Variants in FREM1 observed in about 807,000 individuals in gnomAD.
The protein encoded by FREM1 is FRAS1 related extracellular matrix 1.
A neutral mutation model predicts 210.1 loss-of-function variants in FREM1; 220 were observed. That is an observed-to-expected ratio of 1.05 (90% CI 0.94 to 1.17). The LOEUF is 1.17. FREM1 is among the 50% of genes most tolerant of loss of function. The pLI is 0.00. For missense variants in FREM1, 3,454 were observed against 2,675.5 expected, an observed-to-expected ratio of 1.29 and a Z score of -6.42; for synonymous variants, 1,189 against 980.2, an observed-to-expected ratio of 1.21 and a Z score of -3.98.
In FREM1 at chr9:14,750,113, G is replaced by A. The variant is rs1264311852; in HGVS notation, c.5557+14C>T. On this transcript the variant is annotated intron_variant, in intron 30 of 36. Coordinates refer to ENST00000380880, the MANE Select transcript of FREM1 (RefSeq NM_001379081.2). ...GGACCGCTCCTGATTTCAAGATGAG[G>A]ATCAAAAGAATACCTCCTTTTGAGT... 2 of 1,612,962 alleles carry A rather than the reference G, an allele frequency of 1.2e-6. No homozygotes were observed. The highest frequency in any genetic ancestry group is 1.7e-6 in the Non-Finnish European group (2 of 1,179,518).
rs145677750 is a variant in FREM1, at chr9:14,908,852, A to G, written c.-268+1062T>C. 8.3e-3 allele frequency among the ~76,000 whole-genome samples: 1,257 copies of G among 152,296 alleles called. 14 individuals are homozygous for G. The highest frequency in any genetic ancestry group is 0.024 in the Middle Eastern group (7 of 294). ...GGAACTGAGAACCTGCCTTTCACCA[A>G]GCAAATGGGGGTTCTTACACACAGT... On this transcript the variant is annotated intron_variant, in intron 1 of 36. Coordinates refer to ENST00000380880, the MANE Select transcript of FREM1 (RefSeq NM_001379081.2).
At chr9:14,858,879 G>A (rs1829293305) in intron 4 of FREM1, among the ~76,000 whole-genome samples, 1 of 152,170 alleles carries the variant, frequency 6.6e-6, no homozygotes, top group African/African-American at 2.4e-5. Flanking sequence ...AGTACTGTGT[G>A]TATGTATAAC....
intron 13 of FREM1, among the ~76,000 whole-genome samples, chr9:14,822,855 CT>C (rs1821636498): frequency 6.6e-6 from 1 of 152,096 alleles, no homozygotes; most frequent in Non-Finnish European, 1.5e-5. Flanking sequence ...ATTTAATCCC[CT>C]TCCCTTGATC....
intron 34 of FREM1, 120 bp from the exon 35 acceptor site, chr9:14,746,588 G>A (rs1412237095): frequency 4.0e-6 from 3 of 753,492 alleles, no homozygotes; most frequent in Admixed American, 2.1e-5. Flanking sequence ...CACAAAGGGA[G>A]TCAGCCCTAA....
chr9:14,877,447 T>TTTTTTTTTTTTTTTTTTTGAG (rs1400617685), intron 1 of FREM1, among the ~76,000 whole-genome samples: 2 of 151,038 alleles, frequency 1.3e-5, no homozygotes, highest in Admixed American at 6.6e-5. Context: ...GTTGTTTCTT[T>TTTTTTTTTTTTTTTTTTTGAG]ATGGTAGACA....
intron 27 of FREM1, among the ~76,000 whole-genome samples, chr9:14,763,840 G>A (rs1845938794): frequency 6.6e-6 from 1 of 152,138 alleles, no homozygotes; most frequent in Non-Finnish European, 1.5e-5. Flanking sequence ...CAGGTCTTTG[G>A]TTCATTGTGA....
At chr9:14,881,408 A>G (rs1253124916) in intron 1 of FREM1, among the ~76,000 whole-genome samples, 1 of 152,246 alleles carries the variant, frequency 6.6e-6, no homozygotes, top group Non-Finnish European at 1.5e-5. Flanking sequence ...CAGGAAAAAA[A>G]AAGCTATCTT....
At position 14,801,650 on chromosome 9, in the gene FREM1, A is replaced by T. The variant is rs1467435514; in HGVS notation, c.3694+2T>A. 1 of 1,586,060 alleles carries T rather than the reference A, an allele frequency of 6.3e-7. No individual in the cohort carries two copies. The highest frequency in any genetic ancestry group is 8.7e-7 in the Non-Finnish European group (1 of 1,154,338). On this transcript the variant is annotated splice_donor_variant, in intron 20 of 36. Coordinates refer to ENST00000380880, the MANE Select transcript of FREM1 (RefSeq NM_001379081.2). LOFTEE classifies it high-confidence loss of function. The stretch of plus-strand genomic sequence containing the variant: ...AATGCATGGAAGTGGAACATGCTAT[A>T]CCAGTCTTGAGGAGTTCCATGGAAA...
At chr9:14,852,349 T>C (rs201169451) in intron 5 of FREM1, among the ~76,000 whole-genome samples, 1 of 151,980 alleles carries the variant, frequency 6.6e-6, no homozygotes, top group Admixed American at 6.6e-5. Flanking sequence ...AACCATGAAA[T>C]TGTGCCACAA....
At chr9:14,783,768 A>G (rs1321799301) in intron 24 of FREM1, among the ~76,000 whole-genome samples, 4 of 152,176 alleles carry the variant, frequency 2.6e-5, no homozygotes, top group Non-Finnish European at 5.9e-5. Flanking sequence ...TTTATTTGAT[A>G]CGGAATTCTG....
At chr9:14,864,864 T>C (rs928800857) in intron 2 of FREM1, among the ~76,000 whole-genome samples, 6 of 152,236 alleles carry the variant, frequency 3.9e-5, no homozygotes, top group Admixed American at 3.3e-4. Flanking sequence ...GCAGATATCA[T>C]TGATTCCTCT....
intron 5 of FREM1, among the ~76,000 whole-genome samples, chr9:14,853,488 T>G (rs1340325955): frequency 6.6e-6 from 1 of 152,150 alleles, no homozygotes; most frequent in Non-Finnish European, 1.5e-5. Flanking sequence ...AATGGGACTC[T>G]CCAGAGAAAC....
At chr9:14,829,988 G>C (rs1360537059) in intron 10 of FREM1, among the ~76,000 whole-genome samples, 1 of 152,190 alleles carries the variant, frequency 6.6e-6, no homozygotes, top group African/African-American at 2.4e-5. Flanking sequence ...GGGTGAAGTG[G>C]AAGGGAGAAA....
At chr9:14,851,691 A>C (rs1588368502) in intron 5 of FREM1, 84 bp from the exon 6 acceptor site, 1 of 1,109,346 alleles carries the variant, frequency 9.0e-7, no homozygotes. Context: ...AATATTTAAT[A>C]CAGCCACAGC....
At chr9:14,854,857 T>C (rs1034603787) in intron 5 of FREM1, among the ~76,000 whole-genome samples, 9 of 152,058 alleles carry the variant, frequency 5.9e-5, no homozygotes, top group African/African-American at 2.2e-4. Flanking sequence ...ACTTAATAAG[T>C]ATGCTCACCT....
At chr9:14,855,921 T>G (rs2131485674) in intron 5 of FREM1, among the ~76,000 whole-genome samples, 1 of 151,230 alleles carries the variant, frequency 6.6e-6, no homozygotes, top group South Asian at 2.1e-4. Context: ...GTGAAAGGAG[T>G]TTTGTGTTAA....
At chr9:14,825,282 G>T (rs1490396606) in intron 10 of FREM1, among the ~76,000 whole-genome samples, 1 of 151,832 alleles carries the variant, frequency 6.6e-6, no homozygotes, top group African/African-American at 2.4e-5. Context: ...GAAATCAGGA[G>T]TTCGAGAACA....
intron 1 of FREM1, among the ~76,000 whole-genome samples, chr9:14,901,081 C>T (rs1838705247): frequency 6.6e-6 from 1 of 152,090 alleles, no homozygotes; most frequent in South Asian, 2.1e-4. Flanking sequence ...AAAGATAAGT[C>T]TATATATTAT....
At chr9:14,909,229 A>T (rs1206631195) in intron 1 of FREM1, among the ~76,000 whole-genome samples, 1 of 152,220 alleles carries the variant, frequency 6.6e-6, no homozygotes, top group Non-Finnish European at 1.5e-5. Context: ...ATACCTTAAA[A>T]ACAATAAACA....
Sources: allele counts gnomAD v4.1 joint callset (sites outside exome capture counted in the v4.1 genomes callset), GRCh38; gene constraint gnomAD v4.1.1; transcripts MANE v1.5; gene names NCBI Gene and HGNC (gene_info 2026-07-23, HGNC 2026-07-21).